The following NFAT5 variants were observed in gnomAD, a reference collection of about 807,000 sequenced individuals.
NFAT5 encodes the protein nuclear factor of activated T-cells 5.
Under a neutral mutation model 166.5 loss-of-function variants are expected in NFAT5, and 31 were observed. The observed-to-expected ratio is 0.19, with a 90% CI of 0.14 to 0.25. The LOEUF is 0.25. Ranked by LOEUF, NFAT5 falls within the 10% of genes least tolerant of loss-of-function variation. The pLI, the probability that NFAT5 is intolerant of heterozygous loss-of-function variation, is 1.00. For missense variants in NFAT5, 1,449 were observed against 1,821.8 expected (o/e 0.80, Z 3.72); for synonymous variants, 612 against 639.7 (o/e 0.96, Z 0.65).
At chr16:69,616,489 C>G (rs981903444) in intron 2 of NFAT5, among the ~76,000 whole-genome samples, 4 of 152,030 alleles carry the variant, frequency 2.6e-5, no homozygotes, top group African/African-American at 9.7e-5. Flanking sequence ...TCTATTCATG[C>G]TTTTACTCCT....
intron 3 of NFAT5, among the ~76,000 whole-genome samples, chr16:69,636,496 C>G (rs902206060): frequency 5.3e-5 from 8 of 152,218 alleles, no homozygotes; most frequent in Admixed American, 1.3e-4. Flanking sequence ...GAGGGCCCCA[C>G]CCCTGCAGAA....
At chr16:69,574,137 C>T (rs1413921336) in intron 2 of NFAT5, among the ~76,000 whole-genome samples, 1 of 152,074 alleles carries the variant, frequency 6.6e-6, no homozygotes, top group East Asian at 1.9e-4. Flanking sequence ...CCCCAAAGTG[C>T]TGGGATTACA....
rs764119895 is a variant in NFAT5, at chr16:69,692,880, C to G, written c.3055C>G (p.Gln1019Glu). Reference sequence around the variant, plus strand: ...AACTGGAACACAAGCAAAACAGATTCAGAACAGTGTCTTTCAGACCATGGT... The same window carrying G: ...AACTGGAACACAAGCAAAACAGATTGAGAACAGTGTCTTTCAGACCATGGT... ...EETGTQAKQI[Q>E]NSVFQTMVQM... The change falls in exon 13 of 15, where the codon CAG becomes GAG. Residue 1019 changes from glutamine (Q) to glutamate (E), a missense_variant. Coordinates refer to ENST00000349945, the MANE Select transcript of NFAT5 (RefSeq NM_138713.4). The G allele has an allele frequency of 9.9e-6, 16 of 1,614,084 alleles. No individual in the cohort carries two copies. In the Admixed American group the frequency reaches 1.3e-4, roughly 13 times the overall value.
chr16:69,616,633 C>T (rs2033957332), intron 2 of NFAT5, among the ~76,000 whole-genome samples: 1 of 152,142 alleles, frequency 6.6e-6, no homozygotes, highest in Non-Finnish European at 1.5e-5. Context: ...TGGGCACTAA[C>T]ATCCCAACCT....
chr16:69,666,528 C>T (rs1457498207), intron 7 of NFAT5, among the ~76,000 whole-genome samples: 2 of 152,156 alleles, frequency 1.3e-5, no homozygotes, highest in African/African-American at 4.8e-5. Context: ...ACAGACACTT[C>T]TCAAAAGAAG....
chr16:69,611,509 C>A (rs2033701409), intron 2 of NFAT5, among the ~76,000 whole-genome samples: 1 of 152,108 alleles, frequency 6.6e-6, no homozygotes, highest in African/African-American at 2.4e-5. Flanking sequence ...ATGCCTTAGG[C>A]AAGGTAATTT....
intron 2 of NFAT5, among the ~76,000 whole-genome samples, chr16:69,593,970 C>A (rs946702611): frequency 4.6e-5 from 7 of 152,126 alleles, no homozygotes; most frequent in Middle Eastern, 3.2e-3. Context: ...TTAATAGGTT[C>A]AGGAAAATGT....
intron 3 of NFAT5, among the ~76,000 whole-genome samples, chr16:69,635,035 T>C (rs991302020): frequency 6.7e-6 from 1 of 148,380 alleles, no homozygotes; most frequent in Admixed American, 6.7e-5. Context: ...TTTTTTTTTT[T>C]TTTTTTTTTT....
Position 69,693,883 on chromosome 16 carries a change from C to T in NFAT5, c.4058C>T (p.Ser1353Leu). 6.2e-7 allele frequency: 1 copy of T among 1,614,218 alleles called. No individual in the cohort carries two copies. The highest frequency in any genetic ancestry group is 8.5e-7 in the Non-Finnish European group (1 of 1,180,036). The change falls in exon 13 of 15, where the codon TCA (serine) becomes TTA (leucine). Residue 1353 changes from serine (S) to leucine (L), a missense_variant. By Grantham distance (145) the Ser-to-Leu change is moderately radical (BLOSUM62 -2). This residue lies in a region of NFAT5 where 891 missense variants were observed against 993.0 expected (regional missense o/e 0.90). Coordinates refer to ENST00000349945, the MANE Select transcript of NFAT5 (RefSeq NM_138713.4). Reference protein sequence around the residue: ...MQFQSQSTVSSLQNPGPTQSE... With the variant: ...MQFQSQSTVSLLQNPGPTQSE... ...TTTCAGAGTCAGTCCACAGTTTCCT[C>T]ACTTCAGAACCCAGGTCCTACCCAG...
At chr16:69,640,168 G>T (rs949025785) in intron 3 of NFAT5, among the ~76,000 whole-genome samples, 1 of 152,138 alleles carries the variant, frequency 6.6e-6, no homozygotes, top group Non-Finnish European at 1.5e-5. Context: ...GACAGGCATC[G>T]TGTGGTGGGT....
chr16:69,571,311 C>A (rs1370503080), intron 2 of NFAT5, among the ~76,000 whole-genome samples: 1 of 150,390 alleles, frequency 6.6e-6, no homozygotes, highest in Non-Finnish European at 1.5e-5. Context: ...CTCAAAAAAA[C>A]AACAACAAAC....
At chr16:69,595,759 CCA>C (rs2032755553) in intron 2 of NFAT5, among the ~76,000 whole-genome samples, 1 of 152,144 alleles carries the variant, frequency 6.6e-6, no homozygotes, top group Admixed American at 6.6e-5. Flanking sequence ...TTTGGCATAT[CCA>C]AATTGCCAAA....
At chr16:69,648,154 C>T (rs1021849859) in intron 4 of NFAT5, 43 of 926,550 alleles carry the variant, frequency 4.6e-5, no homozygotes, top group South Asian at 1.0e-4. Context: ...CCAGCCTGGG[C>T]GACAAGAGCG....
chr16:69,602,310 C>G (rs930078299), intron 2 of NFAT5, among the ~76,000 whole-genome samples: 3 of 146,960 alleles, frequency 2.0e-5, no homozygotes, highest in Admixed American at 6.8e-5. Context: ...ACTCTTGTTG[C>G]CCAGGCTGGA....
rs772347684 is a variant in NFAT5, at chr16:69,692,032, C to G, written c.2207C>G (p.Ser736Cys). The change falls in exon 13 of 15, where the codon TCT becomes TGT. Residue 736 changes from serine to cysteine, a missense_variant. Coordinates refer to ENST00000349945, the MANE Select transcript of NFAT5 (RefSeq NM_138713.4). ...CAGTTTCAGACAAGAGAAACTCAGTCTAGAGAGATATTACAGTCAGATGGT... is the reference window on the plus strand; with the variant it reads ...CAGTTTCAGACAAGAGAAACTCAGTGTAGAGAGATATTACAGTCAGATGGT... ...ATQFQTRETQSREILQSDGTV... is the reference protein window; with the variant it reads ...ATQFQTRETQCREILQSDGTV... The G allele has an allele frequency of 1.2e-6, 2 of 1,614,174 alleles. No individual in the cohort carries two copies. The highest frequency in any genetic ancestry group is 1.7e-6 in the Non-Finnish European group (2 of 1,180,032).
At chr16:69,637,701 A>G (rs562929618) in intron 3 of NFAT5, among the ~76,000 whole-genome samples, 1 of 152,344 alleles carries the variant, frequency 6.6e-6, no homozygotes. Context: ...CCATCCTGTG[A>G]CACATGGAAT....
At chr16:69,603,800 G>C (rs1242377216) in intron 2 of NFAT5, among the ~76,000 whole-genome samples, 1 of 152,108 alleles carries the variant, frequency 6.6e-6, no homozygotes, top group Non-Finnish European at 1.5e-5. Flanking sequence ...TCTGTGATGT[G>C]TGTATAATTC....
chr16:69,623,391 G>A (rs943149734), intron 2 of NFAT5, among the ~76,000 whole-genome samples: 1 of 150,650 alleles, frequency 6.6e-6, no homozygotes, highest in Non-Finnish European at 1.5e-5. Context: ...GCAGTGGCAC[G>A]ATCTCGACTC....
intron 4 of NFAT5, among the ~76,000 whole-genome samples, chr16:69,652,889 T>C (rs2035731576): frequency 6.6e-6 from 1 of 152,202 alleles, no homozygotes; most frequent in Non-Finnish European, 1.5e-5. Context: ...TTGACTGAAG[T>C]ACAATGTTAA....
Sources: allele counts gnomAD v4.1 joint callset (sites outside exome capture counted in the v4.1 genomes callset), GRCh38; gene constraint gnomAD v4.1.1; regional missense constraint gnomAD v4.1.1; transcripts MANE v1.5; gene names NCBI Gene and HGNC (gene_info 2026-07-23, HGNC 2026-07-21).